Variants in OPRPN observed in about 807,000 individuals in gnomAD.
OPRPN encodes the protein basic proline-rich lacrimal protein.
OPRPN carries 1 observed loss-of-function variant against 2.2 expected under a neutral mutation model. The observed-to-expected ratio is 0.45, with a 90% CI of 0.16 to 2.15. The LOEUF is 2.15. Ranked by LOEUF, OPRPN falls within the 30% of genes most tolerant of loss-of-function variation. The probability of loss-of-function intolerance (pLI) is 0.28; values close to 1 mark genes in which losing one functional copy is unlikely to be tolerated. For synonymous variants in OPRPN, 126 were observed against 111.5 expected (o/e 1.13, Z -0.82); for missense variants, 306 against 297.3 (o/e 1.03, Z -0.21).
chr4:70,404,681 C>A (rs1437449574), intron 2 of OPRPN, among the ~76,000 whole-genome samples: 4 of 152,176 alleles, frequency 2.6e-5, no homozygotes, highest in African/African-American at 7.2e-5. Context: ...ATTGCCATAT[C>A]ATTCCTTTGT....
chr4:70,399,552 A>G, intron 2 of OPRPN: 2 of 457,606 alleles, frequency 4.4e-6, no homozygotes, highest in East Asian at 3.3e-5. Flanking sequence ...GACTGCAGGA[A>G]GAGGACACAG....
chr4:70,405,363 T>A (rs948347627), intron 2 of OPRPN, among the ~76,000 whole-genome samples: 1 of 152,186 alleles, frequency 6.6e-6, no homozygotes, highest in Non-Finnish European at 1.5e-5. Context: ...GTGTAATTTT[T>A]CACATGATTT....
intron 2 of OPRPN, 78 bp from the exon 3 acceptor site, chr4:70,409,302 A>T: frequency 9.4e-7 from 1 of 1,063,022 alleles, no homozygotes; most frequent in South Asian, 1.6e-5. Context: ...ATATTAATAC[A>T]TAGTATATCC....
intron 2 of OPRPN, 125 bp downstream of exon 2, chr4:70,399,461 G>T (rs1480971823): frequency 3.3e-5 from 24 of 736,550 alleles, no homozygotes; most frequent in Non-Finnish European, 4.8e-5. Flanking sequence ...TGATAATTAT[G>T]GACTTGCTCT....
chr4:70,406,753 T>TGAGA (rs1733097589), intron 2 of OPRPN, among the ~76,000 whole-genome samples: 1 of 152,286 alleles, frequency 6.6e-6, no homozygotes, highest in Admixed American at 6.5e-5. Context: ...CGGTATAGGC[T>TGAGA]TTTGTTTGGT....
At chr4:70,398,234 A>G (rs1732902670) in intron 1 of OPRPN, among the ~76,000 whole-genome samples, 194 bp downstream of exon 1, 3 of 151,936 alleles carry the variant, frequency 2.0e-5, no homozygotes, top group African/African-American at 7.2e-5. Context: ...TGTCAAGAAC[A>G]TTCATATTGA....
rs1386394735 is a variant in OPRPN, at chr4:70,410,030, A to C, written c.702A>C (p.Pro234=). 1.9e-6 allele frequency: 3 copies of C among 1,569,538 alleles called. No individual in the cohort carries two copies. Among genetic ancestry groups the C allele is most frequent in the African/African-American group, 2.8e-5 (2 of 72,726 alleles). Residue 234 remains proline (P), a synonymous_variant, in exon 3 of 3, where the codon CCA becomes CCC. Transcript: ENST00000399575. ...TTSNQTILSS[P]AFKSFWQKLF... ...CCAACCAAACTATATTAAGCAGCCC[A>C]GCCTTTAAAAGTTTTTGGCAAAAAC...
rs1232727357 is a variant in OPRPN at position 70,409,894 on chromosome 4, C to T, written c.566C>T (p.Ala189Val). The T allele has an allele frequency of 6.2e-7, 1 of 1,613,744 alleles. No individual in the cohort carries two copies. The highest frequency in any genetic ancestry group is 8.5e-7 in the Non-Finnish European group (1 of 1,179,902). ...CCTATCTCTTCAACACCAGAGCCTGCCACCTCCATATCAGCAGCAACCCCC... is the reference window on the plus strand; with the variant it reads ...CCTATCTCTTCAACACCAGAGCCTGTCACCTCCATATCAGCAGCAACCCCC... The part of the protein sequence containing the change: ...TVPISSTPEP[A>V]TSISAATPAA... The change falls in exon 3 of 3, where the codon GCC becomes GTC. Residue 189 changes from alanine to valine, a missense_variant. By Grantham distance (64) the Ala-to-Val change is moderately conservative (BLOSUM62 0). Coordinates refer to ENST00000399575, the MANE Select transcript of OPRPN (RefSeq NM_021225.5).
chr4:70,409,338 AT>A (rs1733159991), intron 2 of OPRPN, 41 bp from the exon 3 acceptor site: 1 of 1,485,948 alleles, frequency 6.7e-7, no homozygotes, highest in Admixed American at 2.2e-5. Flanking sequence ...AAATGATCAA[AT>A]TTAGAAATTT....
At chr4:70,400,329 C>G (rs1437521305) in intron 2 of OPRPN, among the ~76,000 whole-genome samples, 1 of 151,796 alleles carries the variant, frequency 6.6e-6, no homozygotes, top group South Asian at 2.1e-4. Flanking sequence ...AGCAATGATA[C>G]TGTCAGATAA....
At chr4:70,403,640 T>C (rs750659333) in intron 2 of OPRPN, among the ~76,000 whole-genome samples, 4 of 152,220 alleles carry the variant, frequency 2.6e-5, no homozygotes, top group Non-Finnish European at 5.9e-5. Context: ...AAGAACATCA[T>C]GTGATAGATA....
At chr4:70,403,002 AC>A (rs1399812280) in intron 2 of OPRPN, among the ~76,000 whole-genome samples, 2 of 152,156 alleles carry the variant, frequency 1.3e-5, no homozygotes, top group Admixed American at 6.6e-5. Context: ...TGAAGTCAGT[AC>A]AAAACCTCAG....
Position 70,409,421 on chromosome 4 carries a change from T to C in OPRPN, c.93T>C (p.Pro31=), listed in dbSNP as rs1733163774. The change falls in exon 3 of 3, where the codon CCT becomes CCC. Residue 31 remains proline, a synonymous_variant. Transcript: ENST00000399575. ...GATTCTCCAGAAGACCATATCTACC[T>C]GGCCAGCTGCCACCACCTCCACTCT... ...SQRFSRRPYL[P]GQLPPPPLYR... is the part of the protein sequence containing the mutation. 2 of 1,613,714 alleles carry C rather than the reference T, an allele frequency of 1.2e-6. No individual in the cohort carries two copies. The highest frequency in any genetic ancestry group is 1.7e-6 in the Non-Finnish European group (2 of 1,179,752).
At chr4:70,404,269 T>G (rs2109770392) in intron 2 of OPRPN, among the ~76,000 whole-genome samples, 1 of 152,188 alleles carries the variant, frequency 6.6e-6, no homozygotes, top group African/African-American at 2.4e-5. Context: ...TCAACTCCAC[T>G]CTCCTGATTT....
intron 2 of OPRPN, among the ~76,000 whole-genome samples, chr4:70,401,225 T>C (rs1356172948): frequency 6.6e-6 from 1 of 152,108 alleles, no homozygotes; most frequent in African/African-American, 2.4e-5. Flanking sequence ...ATGAGTTTAA[T>C]ACATAAATTT....
chr4:70,406,095 C>A (rs1460853529), intron 2 of OPRPN, among the ~76,000 whole-genome samples: 1 of 151,958 alleles, frequency 6.6e-6, no homozygotes, highest in African/African-American at 2.4e-5. Flanking sequence ...GAACCTCCAA[C>A]GTGCCAGAAA....
intron 2 of OPRPN, 34 bp downstream of exon 2, chr4:70,399,370 A>G: frequency 1.3e-6 from 2 of 1,518,688 alleles, no homozygotes; most frequent in Non-Finnish European, 1.8e-6. Flanking sequence ...TACTTGTTAT[A>G]TTTATTGTTA....
At chr4:70,406,600 GA>G in intron 2 of OPRPN, among the ~76,000 whole-genome samples, 1 of 152,268 alleles carries the variant, frequency 6.6e-6, no homozygotes, top group East Asian at 1.9e-4. Flanking sequence ...ATTAGGGCAG[GA>G]GTGAAACATT....
At chr4:70,402,204 G>A (rs1732995518) in intron 2 of OPRPN, among the ~76,000 whole-genome samples, 1 of 152,076 alleles carries the variant, frequency 6.6e-6, no homozygotes. Flanking sequence ...TAGAACTGCA[G>A]ACTCTGATCC....
Sources: allele counts gnomAD v4.1 joint callset (sites outside exome capture counted in the v4.1 genomes callset), GRCh38; gene constraint gnomAD v4.1.1; transcripts MANE v1.5; gene names NCBI Gene and HGNC (gene_info 2026-07-23, HGNC 2026-07-21).